SRRM2: variants seen among roughly 807,000 people sequenced by gnomAD.
SRRM2 encodes serine/arginine repetitive matrix 2, also known as serine/arginine repetitive matrix protein 2.
Under a neutral mutation model 213.8 loss-of-function variants are expected in SRRM2, and 30 were observed. That is an observed-to-expected ratio of 0.14 (90% CI 0.10 to 0.19). SRRM2 has a LOEUF of 0.19. Among genes scored for constraint, SRRM2 ranks in the 10% least tolerant of loss-of-function variants. The pLI is 1.00. For synonymous variants in SRRM2, 2,025 were observed against 1,377.7 expected, an observed-to-expected ratio of 1.47 and a Z score of -10.40; for missense variants, 4,904 against 3,647.0, an observed-to-expected ratio of 1.34 and a Z score of -8.88.
Position 2,766,740 on chromosome 16 carries a change from C to T in SRRM2, c.6212C>T (p.Ser2071Phe). The T allele has an allele frequency of 6.2e-7, 1 of 1,614,166 alleles. No homozygotes were observed. Among genetic ancestry groups the T allele is most frequent in the Non-Finnish European group, 8.5e-7 (1 of 1,180,008 alleles). The change falls in exon 11 of 15, where the codon TCT becomes TTT. Residue 2071 changes from serine (S) to phenylalanine (F), a missense_variant. Coordinates refer to ENST00000301740, the MANE Select transcript of SRRM2 (RefSeq NM_016333.4). The surrounding 1 kb of genome is among the most constrained non-coding windows in gnomAD (Gnocchi z 7.0). Reference sequence around the variant, plus strand: ...CGGGGTAAACGGTCCTTAACAAGATCTCCTCCAGCCATCCGCAGGCGTTCT... The same window carrying T: ...CGGGGTAAACGGTCCTTAACAAGATTTCCTCCAGCCATCCGCAGGCGTTCT... ...TARGKRSLTRSPPAIRRRSAS... is the reference protein window; with the variant it reads ...TARGKRSLTRFPPAIRRRSAS...
rs756393759 is a variant in SRRM2, at chr16:2,765,652, C to T, written c.5124C>T (p.Arg1708=). The stretch of plus-strand genomic sequence containing the variant: ...AGGCCAGACTGTCCCGTAGAAGCCG[C>T]TCTGCCTCATCCTCACCAGAAACTC... ...TRKARLSRRS[R]SASSSPETRS... Residue 1708 remains arginine (R), a synonymous_variant, in exon 11 of 15, where the codon CGC becomes CGT. Coordinates refer to ENST00000301740, the MANE Select transcript of SRRM2 (RefSeq NM_016333.4). 2 of 1,614,072 alleles carry T rather than the reference C, an allele frequency of 1.2e-6. No individual in the cohort carries two copies. The highest frequency in any genetic ancestry group is 1.7e-6 in the Non-Finnish European group (2 of 1,180,034).
At position 2,763,804 on chromosome 16, in the gene SRRM2, A is replaced by G. The variant is rs780427323; in HGVS notation, c.3276A>G (p.Thr1092=). ...CATCTCTGCAGAGCAAATCTCAAACATCACCTAAGGGAGGTCGGTCCAGGT... is the reference window on the plus strand; with the variant it reads ...CATCTCTGCAGAGCAAATCTCAAACGTCACCTAAGGGAGGTCGGTCCAGGT... ...ESPSLQSKSQ[T]SPKGGRSRSS... The change falls in exon 11 of 15, where the codon ACA becomes ACG. Residue 1092 remains threonine, a synonymous_variant. Transcript: ENST00000301740. The G allele has an allele frequency of 1.2e-6, 2 of 1,614,174 alleles. No homozygotes were observed. Among genetic ancestry groups the G allele is most frequent in the South Asian group, 1.1e-5 (1 of 91,084 alleles).
In SRRM2 at chr16:2,764,816, G is replaced by T; in HGVS notation, c.4288G>T (p.Gly1430Cys). ...SSASSPEMKD[G>C]LPRTPSRRSR... Reference sequence around the variant, plus strand: ...TGCATCTTCTCCTGAAATGAAAGATGGTTTACCCAGAACTCCATCAAGGAG... The same window carrying T: ...TGCATCTTCTCCTGAAATGAAAGATTGTTTACCCAGAACTCCATCAAGGAG... The change falls in exon 11 of 15, where the codon GGT becomes TGT. Residue 1430 changes from glycine to cysteine, a missense_variant. Physicochemically the swap from Gly to Cys is radical, Grantham distance 159. Transcript: ENST00000301740. The T allele has an allele frequency of 6.2e-7, 1 of 1,614,162 alleles. No individual in the cohort carries two copies. Among genetic ancestry groups the T allele is most frequent in the Non-Finnish European group, 8.5e-7 (1 of 1,180,036 alleles).
At position 2,767,767 on chromosome 16, in the gene SRRM2, C is replaced by A; in HGVS notation, c.7239C>A (p.Ala2413=). Residue 2413 remains alanine, a synonymous_variant, in exon 11 of 15, where the codon GCC becomes GCA. Coordinates refer to ENST00000301740, the MANE Select transcript of SRRM2 (RefSeq NM_016333.4). ...CTAGGTCCAGAACACCACCGTCTGC[C>A]CCAAGCCAATCTAGGATGACCTCTG... ...DRARSRTPPS[A]PSQSRMTSER... The A allele has an allele frequency of 6.2e-7, 1 of 1,613,988 alleles. No homozygotes were observed. Among genetic ancestry groups the A allele is most frequent in the Non-Finnish European group, 8.5e-7 (1 of 1,179,982 alleles).
rs537217225 is a variant in SRRM2, at chr16:2,766,887, C to G, written c.6359C>G (p.Pro2120Arg). 3 of 1,614,060 alleles carry G rather than the reference C, an allele frequency of 1.9e-6. No individual in the cohort carries two copies. In the South Asian group the frequency reaches 3.3e-5, roughly 18 times the overall value. ...TCCAGAATGAGCTGCTTCAGTCGTC[C>G]TAGCATGTCCCCAACACCTCTTGAT... ...NSSRMSCFSR[P>R]SMSPTPLDRC... Residue 2120 changes from proline (P) to arginine (R), a missense_variant, in exon 11 of 15, where the codon CCT becomes CGT. Coordinates refer to ENST00000301740, the MANE Select transcript of SRRM2 (RefSeq NM_016333.4). This position sits in a 1 kb window ranked among gnomAD's most constrained non-coding sequence, Gnocchi z 7.0.
intron 10 of SRRM2, among the ~76,000 whole-genome samples, chr16:2,761,050 C>T (rs2068326774): frequency 6.6e-6 from 1 of 152,228 alleles, no homozygotes; most frequent in African/African-American, 2.4e-5. Flanking sequence ...AGAAACTTAA[C>T]TACTTCCTTA....
rs146818635 is a variant in SRRM2, at chr16:2,763,855, A to T, written c.3327A>T (p.Ala1109=). 3 of 1,614,226 alleles carry T rather than the reference A, an allele frequency of 1.9e-6. No individual in the cohort carries two copies. Among genetic ancestry groups the T allele is most frequent in the Non-Finnish European group, 1.7e-6 (2 of 1,180,032 alleles). The change falls in exon 11 of 15, where the codon GCA becomes GCT. Residue 1109 remains alanine, a synonymous_variant. Coordinates refer to ENST00000301740, the MANE Select transcript of SRRM2 (RefSeq NM_016333.4). ...SRSSSPVTEL[A]SRSPIRQDRG... is the part of the protein sequence containing the mutation. ...CTTCATCTCCAGTCACTGAGCTGGC[A>T]TCCAGATCTCCAATAAGACAAGATA...
rs753572113 is a variant in SRRM2 at position 2,762,663 on chromosome 16, G to C, written c.2135G>C (p.Arg712Thr). 1 of 1,614,132 alleles carries C rather than the reference G, an allele frequency of 6.2e-7. No homozygotes were observed. The highest frequency in any genetic ancestry group is 1.3e-5 in the African/African-American group (1 of 75,028). ...AGTAGAAGCTTAGTTAGACGTGGAA[G>C]ATCTCACTCTAGAACACCTCAAAGA... ...SRSRSLVRRG[R>T]SHSRTPQRRG... is the part of the protein sequence containing the mutation. Residue 712 changes from arginine (R) to threonine (T), a missense_variant, in exon 11 of 15, where the codon AGA becomes ACA. Physicochemically the swap from Arg to Thr is moderately conservative, Grantham distance 71. Coordinates refer to ENST00000301740, the MANE Select transcript of SRRM2 (RefSeq NM_016333.4).
Position 2,763,519 on chromosome 16 carries a change from C to T in SRRM2, c.2991C>T (p.Pro997=). The T allele has an allele frequency of 6.2e-7, 1 of 1,614,140 alleles. No individual in the cohort carries two copies. Among genetic ancestry groups the T allele is most frequent in the Non-Finnish European group, 8.5e-7 (1 of 1,180,018 alleles). The change falls in exon 11 of 15, where the codon CCC becomes CCT. Residue 997 remains proline (P), a synonymous_variant. Transcript: ENST00000301740. ...QSHSGSISPY[P]KVKAQTPPGP... ...ACTCAGGGTCTATTTCACCATACCC[C>T]AAAGTAAAGGCCCAAACTCCACCGG...
intron 12 of SRRM2, chr16:2,769,765 C>G (rs1478458919): frequency 2.1e-6 from 1 of 467,276 alleles, no homozygotes; most frequent in Non-Finnish European, 4.3e-6. Flanking sequence ...GACAAAGCCC[C>G]ACCTCTGCGG....
intron 12 of SRRM2, chr16:2,769,572 G>A: frequency 1.6e-6 from 1 of 642,552 alleles, no homozygotes; most frequent in Non-Finnish European, 2.9e-6. Flanking sequence ...TCTCCCTGTT[G>A]CTACTGCCAG....
Position 2,767,594 on chromosome 16 carries a change from A to C in SRRM2, c.7066A>C (p.Arg2356=). Residue 2356 remains arginine, a synonymous_variant, in exon 11 of 15, where the codon AGA becomes CGA. Transcript: ENST00000301740. ...AGCTCCTGTGAATATTGCCGGCTCC[A>C]GAACCGCCGCAGCCTTGGCCCCCGC... ...ATAPVNIAGS[R]TAAALAPASL... is the part of the protein sequence containing the mutation. 6.2e-7 allele frequency: 1 copy of C among 1,614,184 alleles called. No homozygotes were observed. Among genetic ancestry groups the C allele is most frequent in the Non-Finnish European group, 8.5e-7 (1 of 1,180,030 alleles).
rs749512557 is a variant in SRRM2, at chr16:2,771,313, T to TC, written c.*452dup. 8.2e-6 allele frequency: 10 copies of TC among 1,214,094 alleles called. No homozygotes were observed. The highest frequency in any genetic ancestry group is 2.3e-5 in the East Asian group (1 of 42,828). The allele number at this position is 1,214,094 out of a possible 1,614,324, so 75.2% of individuals were successfully genotyped here. ...TGTCCCCCATGAGGTTGTGAACCCCTCCCCCCAACTTTTCATGTTTCTTAA... is the reference window on the plus strand; with the variant it reads ...TGTCCCCCATGAGGTTGTGAACCCCTCCCCCCCAACTTTTCATGTTTCTTAA... On this transcript the variant is annotated 3_prime_UTR_variant, in exon 15 of 15. Coordinates refer to ENST00000301740, the MANE Select transcript of SRRM2 (RefSeq NM_016333.4).
At chr16:2,758,658 G>T in intron 5 of SRRM2, 111 bp downstream of exon 5, 1 of 1,065,716 alleles carries the variant, frequency 9.4e-7, no homozygotes, top group Non-Finnish European at 1.4e-6. Context: ...TAGTTGTCAG[G>T]GAGGAGGGAG....
intron 1 of SRRM2, among the ~76,000 whole-genome samples, chr16:2,754,122 G>A (rs1224111499): frequency 1.3e-5 from 2 of 151,970 alleles, no homozygotes; most frequent in Non-Finnish European, 2.9e-5. Flanking sequence ...AATATCGTTT[G>A]GTTTGGTGAT....
Position 2,766,587 on chromosome 16 carries a change from C to G in SRRM2, c.6059C>G (p.Ser2020Cys), listed in dbSNP as rs751455303. 2 of 1,614,172 alleles carry G rather than the reference C, an allele frequency of 1.2e-6. No individual in the cohort carries two copies. The highest frequency in any genetic ancestry group is 3.3e-5 in the Admixed American group (2 of 60,012). ...TSPVTRRRSR[S>C]RTPPAIRRRS... The stretch of plus-strand genomic sequence containing the variant: ...CCAGTGACACGCCGCCGCTCTAGGT[C>G]CCGGACACCTCCAGCTATTCGGCGC... The change falls in exon 11 of 15, where the codon TCC becomes TGC. Residue 2020 changes from serine (S) to cysteine (C), a missense_variant. Transcript: ENST00000301740. This position sits in a 1 kb window ranked among gnomAD's most constrained non-coding sequence, Gnocchi z 7.0.
rs199890769 is a variant in SRRM2, at chr16:2,766,050, G to A, written c.5522G>A (p.Arg1841His). Residue 1841 changes from arginine to histidine, a missense_variant, in exon 11 of 15, where the codon CGC (arginine) becomes CAC (histidine). Arg to His is a conservative substitution (Grantham distance 29). Coordinates refer to ENST00000301740, the MANE Select transcript of SRRM2 (RefSeq NM_016333.4). The surrounding 1 kb of genome is among the most constrained non-coding windows in gnomAD (Gnocchi z 7.0). ...ACCTCCTCTCGACGCCGAAGAGGCCGCTCTCGGACACCCCCAACCAGTCGG... is the reference window on the plus strand; with the variant it reads ...ACCTCCTCTCGACGCCGAAGAGGCCACTCTCGGACACCCCCAACCAGTCGG... ...SRTSSRRRRGRSRTPPTSRKR... is the reference protein window; with the variant it reads ...SRTSSRRRRGHSRTPPTSRKR... 72 of 1,614,012 alleles carry A rather than the reference G, an allele frequency of 4.5e-5. No individual in the cohort carries two copies. The highest frequency in any genetic ancestry group is 5.3e-5 in the Non-Finnish European group (63 of 1,180,034).
chr16:2,754,008 A>C (rs2068046012), intron 1 of SRRM2, among the ~76,000 whole-genome samples: 1 of 152,216 alleles, frequency 6.6e-6, no homozygotes, highest in African/African-American at 2.4e-5. Flanking sequence ...ATTTCCCAAC[A>C]GAAAAGGGTG....
chr16:2,767,499 C>T lies in SRRM2; in HGVS notation c.6971C>T (p.Pro2324Leu), dbSNP rs780556211. ...SGTPPTAANYPSSSRTPQAPA... is the reference protein window; with the variant it reads ...SGTPPTAANYLSSSRTPQAPA... ...ACACCACCAACTGCTGCAAACTATC[C>T]CTCCAGCTCCAGAACACCACAGGCT... The change falls in exon 11 of 15, where the codon CCC becomes CTC. Residue 2324 changes from proline (P) to leucine (L), a missense_variant. By Grantham distance (98) the Pro-to-Leu change is moderately conservative. Coordinates refer to ENST00000301740, the MANE Select transcript of SRRM2 (RefSeq NM_016333.4). The T allele has an allele frequency of 2.4e-5, 39 of 1,614,044 alleles. No homozygotes were observed. Among genetic ancestry groups the T allele is most frequent in the Non-Finnish European group, 2.7e-5 (32 of 1,180,022 alleles).
Sources: allele counts gnomAD v4.1 joint callset (sites outside exome capture counted in the v4.1 genomes callset), GRCh38; gene constraint gnomAD v4.1.1; non-coding constraint Gnocchi (gnomAD v3.1); transcripts MANE v1.5; gene names NCBI Gene and HGNC (gene_info 2026-07-23, HGNC 2026-07-21).